The following PPP4R1 variants were observed in gnomAD, a reference collection of about 807,000 sequenced individuals.
PPP4R1 encodes serine/threonine-protein phosphatase 4 regulatory subunit 1.
In PPP4R1, 42 loss-of-function variants were observed where a neutral mutation model predicts 111.2. The observed-to-expected ratio is 0.38, with a 90% confidence interval of 0.29 to 0.49. The LOEUF (loss-of-function observed/expected upper bound fraction) is 0.49. Among genes scored for constraint, PPP4R1 ranks in the 20% least tolerant of loss-of-function variants. The probability of loss-of-function intolerance (pLI) is 0.97; values close to 1 mark genes in which losing one functional copy is unlikely to be tolerated. For missense variants in PPP4R1, 1,012 were observed against 1,161.6 expected, an observed-to-expected ratio of 0.87 and a Z score of 1.87; for synonymous variants, 409 against 405.5, an observed-to-expected ratio of 1.01 and a Z score of -0.10.
chr18:9,600,666 G>A (rs2067366034), intron 2 of PPP4R1, among the ~76,000 whole-genome samples: 1 of 152,192 alleles, frequency 6.6e-6, no homozygotes, highest in South Asian at 2.1e-4. Flanking sequence ...TGGAGCTCAG[G>A]AGTTTGAGAT....
intron 16 of PPP4R1, chr18:9,550,681 T>C (rs1184440525): frequency 2.9e-6 from 1 of 341,684 alleles, no homozygotes; most frequent in East Asian, 6.9e-5. Context: ...CTTCCTAGTA[T>C]GTTCAACTGG....
At chr18:9,550,716 T>G in intron 16 of PPP4R1, 1 of 241,540 alleles carries the variant, frequency 4.1e-6, no homozygotes, top group Admixed American at 5.1e-5. Context: ...TGATCCATGG[T>G]CACAGTTTGG....
upstream of PPP4R1, chr18:9,614,625 G>GGGCCGAGGGCCCGGGCC: frequency 3.2e-6 from 1 of 310,164 alleles, no homozygotes; most frequent in Non-Finnish European, 4.6e-6. The surrounding 1 kb of genome is among the most constrained non-coding windows in gnomAD (Gnocchi z 4.1). Flanking sequence ...CGCGCGGGGC[G>GGGCCGAGGGCCCGGGCC]GGCCGAGGGC....
chr18:9,563,457 T>A lies in PPP4R1; in HGVS notation c.1667A>T (p.Asp556Val). 1 of 1,608,992 alleles carries A rather than the reference T, an allele frequency of 6.2e-7. No individual in the cohort carries two copies. Among genetic ancestry groups the A allele is most frequent in the Non-Finnish European group, 8.5e-7 (1 of 1,175,642 alleles). ...ISIEKRSDLQ[D>V]ELDINELPNC... ...TGGTAGCTCATTTATATCCAGTTCA[T>A]CTTGCAAATCACTTCTCTTTTCTAT... Residue 556 changes from aspartate (D) to valine (V), a missense_variant, in exon 12 of 20, where the codon GAT becomes GTT. This residue lies in a region of PPP4R1 where 707 missense variants were observed against 742.1 expected (regional missense o/e 0.95). Transcript: ENST00000400556.
At position 9,547,602 on chromosome 18, in the gene PPP4R1, T is replaced by A; in HGVS notation, c.*187A>T. ...TTAAAGTCAAGATAAGATAATAGTG[T>A]TTACTGTACTTTCTCTTGACTCTTG... On this transcript the variant is annotated 3_prime_UTR_variant, in exon 20 of 20. Coordinates refer to ENST00000400556, the MANE Select transcript of PPP4R1 (RefSeq NM_001042388.3). The A allele has an allele frequency of 1.7e-6, 1 of 583,118 alleles. No individual in the cohort carries two copies. The allele number at this position is 583,118 out of a possible 1,614,324, so 36.1% of individuals were successfully genotyped here. A position where few individuals can be genotyped will look rare whatever the true frequency, so the allele number is the denominator to read the frequency against.
Position 9,614,270 on chromosome 18 carries a change from T to A in PPP4R1, c.8A>T (p.Asp3Val). 7.6e-7 allele frequency: 1 copy of A among 1,323,052 alleles called. No homozygotes were observed. The highest frequency in any genetic ancestry group is 9.8e-7 in the Non-Finnish European group (1 of 1,024,200). The allele number at this position is 1,323,052 out of a possible 1,614,324, so 82.0% of individuals were successfully genotyped here. MADLSLLQEDLQE... is the reference protein window; with the variant it reads MAVLSLLQEDLQE... ...CAGGTCCTCCTGAAGCAGCGAGAGG[T>A]CTGCGCCGAGGGGAGAGAAGAAAGG... The change falls in exon 2 of 20, where the codon GAC becomes GTC. Residue 3 changes from aspartate (D) to valine (V), a missense_variant and splice_region_variant. Asp to Val is a radical substitution (Grantham distance 152). Transcript: ENST00000400556. This position sits in a 1 kb window ranked among gnomAD's most constrained non-coding sequence, Gnocchi z 4.1.
intron 4 of PPP4R1, among the ~76,000 whole-genome samples, chr18:9,590,972 G>A (rs1290970956): frequency 3.9e-5 from 6 of 152,008 alleles, no homozygotes; most frequent in Non-Finnish European, 5.9e-5. Flanking sequence ...AATGACATAC[G>A]GCTCATATGC....
chr18:9,551,193 G>A (rs567189089), intron 16 of PPP4R1: 9 of 152,268 alleles, frequency 5.9e-5, no homozygotes, highest in Non-Finnish European at 8.8e-5. Flanking sequence ...TGCAAAGAAC[G>A]TCACTGACCC....
At chr18:9,557,142 CTT>C in intron 15 of PPP4R1, 77 bp downstream of exon 15, 8 of 1,352,152 alleles carry the variant, frequency 5.9e-6, no homozygotes, top group Non-Finnish European at 8.0e-6. Flanking sequence ...AGAAACCTCT[CTT>C]GGTGATAGCA....
intron 16 of PPP4R1, 71 bp from the exon 17 acceptor site, chr18:9,550,469 A>C: frequency 6.8e-7 from 1 of 1,479,446 alleles, no homozygotes; most frequent in Non-Finnish European, 9.2e-7. Context: ...TTACCCATTT[A>C]AATCATCTGT....
intron 15 of PPP4R1, 46 bp downstream of exon 15, chr18:9,557,175 C>G: frequency 6.7e-7 from 1 of 1,489,760 alleles, no homozygotes; most frequent in Non-Finnish European, 9.0e-7. Context: ...ATTTAGATTA[C>G]GGCAGAATTT....
chr18:9,591,229 TC>T (rs2067206471), intron 4 of PPP4R1, among the ~76,000 whole-genome samples: 1 of 151,540 alleles, frequency 6.6e-6, no homozygotes, highest in Non-Finnish European at 1.5e-5. Context: ...ATGCCTGTAA[TC>T]CCACCACTCG....
At chr18:9,583,079 AATGT>A (rs766002276) in intron 9 of PPP4R1, 34 bp downstream of exon 9, 2 of 1,529,132 alleles carry the variant, frequency 1.3e-6, no homozygotes, top group Admixed American at 1.9e-5. Flanking sequence ...AACGGACACA[AATGT>A]ATTATTTTAC....
chr18:9,593,893 ATTATG>A lies in PPP4R1; in HGVS notation c.189-24_189-20del. Reference sequence around the variant, plus strand: ...CATTTGTCTACACAAAAAAAACAAAATTATGTATGTTCAATGGCATCAATAGCTAA... The same window carrying A: ...CATTTGTCTACACAAAAAAAACAAAATATGTTCAATGGCATCAATAGCTAA... On this transcript the variant is annotated intron_variant, in intron 3 of 19. Transcript: ENST00000400556. 5 of 1,584,234 alleles carry A rather than the reference ATTATG, an allele frequency of 3.2e-6. No individual in the cohort carries two copies. Among genetic ancestry groups the A allele is most frequent in the Non-Finnish European group, 4.3e-6 (5 of 1,154,506 alleles).
intron 2 of PPP4R1, among the ~76,000 whole-genome samples, chr18:9,595,500 T>C (rs1235941642): frequency 2.6e-5 from 4 of 152,300 alleles, no homozygotes; most frequent in South Asian, 2.1e-4. Context: ...AGCACCAATA[T>C]AGTTAGTCCT....
chr18:9,561,704 G>A (rs1340177156), intron 13 of PPP4R1, among the ~76,000 whole-genome samples: 1 of 152,190 alleles, frequency 6.6e-6, no homozygotes, highest in Non-Finnish European at 1.5e-5. Flanking sequence ...AGGCACATGT[G>A]TATGTTTATG....
At chr18:9,548,899 C>A (rs2066443455) in intron 19 of PPP4R1, among the ~76,000 whole-genome samples, 1 of 152,224 alleles carries the variant, frequency 6.6e-6, no homozygotes, top group East Asian at 1.9e-4. Context: ...GCCTGGGTGA[C>A]AGGGCGAGAC....
At chr18:9,549,420 G>A (rs917514910) in intron 18 of PPP4R1, 82 bp from the exon 19 acceptor site, 1 of 1,507,704 alleles carries the variant, frequency 6.6e-7, no homozygotes, top group Non-Finnish European at 9.0e-7. Context: ...ATCTCTGAGT[G>A]ACCACAGGTA....
chr18:9,548,746 A>G (rs329009), intron 19 of PPP4R1, among the ~76,000 whole-genome samples: 80,408 of 151,886 alleles, frequency 0.53, 21,393 homozygotes, highest in Middle Eastern at 0.67. Flanking sequence ...GTGAAACCCC[A>G]TCTCTACTAA....
Sources: allele counts gnomAD v4.1 joint callset (sites outside exome capture counted in the v4.1 genomes callset), GRCh38; gene constraint gnomAD v4.1.1; regional missense constraint gnomAD v4.1.1; non-coding constraint Gnocchi (gnomAD v3.1); transcripts MANE v1.5; gene names NCBI Gene and HGNC (gene_info 2026-07-23, HGNC 2026-07-21).